DOCK1: variants seen among roughly 807,000 people sequenced by gnomAD.
DOCK1 encodes dedicator of cytokinesis protein 1.
DOCK1 carries 138 observed loss-of-function variants against 262.7 expected under a neutral mutation model. That is an observed-to-expected ratio of 0.53 (90% CI 0.46 to 0.61). The LOEUF (loss-of-function observed/expected upper bound fraction) is 0.61. Ranked by LOEUF, DOCK1 falls within the 20% of genes least tolerant of loss-of-function variation. DOCK1 has a pLI of 0.00. For missense variants in DOCK1, 1,908 were observed against 2,370.7 expected, an observed-to-expected ratio of 0.80 and a Z score of 4.05; for synonymous variants, 866 against 867.4, an observed-to-expected ratio of 1.00 and a Z score of 0.03.
intron 27 of DOCK1, among the ~76,000 whole-genome samples, chr10:127,154,206 G>A (rs1170977780): frequency 6.6e-6 from 1 of 152,226 alleles, no homozygotes; most frequent in Non-Finnish European, 1.5e-5. Flanking sequence ...AATGTGGGAT[G>A]TTTCAATGCA....
chr10:127,313,100 C>T (rs938240436), intron 29 of DOCK1, among the ~76,000 whole-genome samples: 28 of 152,158 alleles, frequency 1.8e-4, no homozygotes, highest in African/African-American at 6.8e-4. Context: ...GACATCATGA[C>T]TCAGCCAGAC....
At position 127,106,419 on chromosome 10, in the gene DOCK1, G is replaced by A. The variant is rs1187412711; in HGVS notation, c.2516+118G>A. ...CATGTCTCCATATGTCAGTGCCCTG[G>A]ATCATTCTGGAACATGTGTTGCTGG... On this transcript the variant is annotated intron_variant, in intron 24 of 51. Transcript: ENST00000623213. 2.4e-5 allele frequency: 25 copies of A among 1,022,104 alleles called. No homozygotes were observed. The East Asian group carries it at 6.2e-4, about 25-fold the overall frequency. The allele number at this position is 1,022,104 out of a possible 1,614,324, so 63.3% of individuals were successfully genotyped here. A position where few individuals can be genotyped will look rare whatever the true frequency, so the allele number is the denominator to read the frequency against.
At chr10:127,237,502 C>G (rs2059117294) in intron 27 of DOCK1, among the ~76,000 whole-genome samples, 1 of 152,146 alleles carries the variant, frequency 6.6e-6, no homozygotes. Context: ...GACCTGAATA[C>G]ACCTCTACAG....
chr10:127,268,710 T>C (rs2060462462), intron 29 of DOCK1, among the ~76,000 whole-genome samples: 1 of 151,930 alleles, frequency 6.6e-6, no homozygotes. Context: ...TGTCCGAGAA[T>C]TGGAGGTGGT....
chr10:127,033,067 C>G (rs751319705), intron 18 of DOCK1, among the ~76,000 whole-genome samples: 2 of 152,152 alleles, frequency 1.3e-5, no homozygotes, highest in East Asian at 3.8e-4. Flanking sequence ...TCTGTCGATA[C>G]GGGAATAGTG....
chr10:127,048,136 CTG>C (rs966626080), intron 21 of DOCK1, among the ~76,000 whole-genome samples: 1 of 152,164 alleles, frequency 6.6e-6, no homozygotes, highest in African/African-American at 2.4e-5. Context: ...CACCAGCAAT[CTG>C]TGAATGTTCT....
chr10:127,393,918 A>C (rs10765058), intron 38 of DOCK1, among the ~76,000 whole-genome samples: 1 of 151,272 alleles, frequency 6.6e-6, no homozygotes, highest in Non-Finnish European at 1.5e-5. Flanking sequence ...CTCTTTTTCC[A>C]TTCCATTCTT....
Position 126,996,802 on chromosome 10 carries a change from A to C in DOCK1, c.528A>C (p.Pro176=). 1 of 1,612,990 alleles carries C rather than the reference A, an allele frequency of 6.2e-7. No individual in the cohort carries two copies. Among genetic ancestry groups the C allele is most frequent in the Non-Finnish European group, 8.5e-7 (1 of 1,179,588 alleles). The change falls in exon 7 of 52, where the codon CCA becomes CCC. Residue 176 remains proline, a synonymous_variant. Transcript: ENST00000623213. ...ATGAAGATGGGAATATTTTGGATCCAGAATTAACTAGCACGATTAGTCTCT... is the reference window on the plus strand; with the variant it reads ...ATGAAGATGGGAATATTTTGGATCCCGAATTAACTAGCACGATTAGTCTCT... ...VRDEDGNILD[P]ELTSTISLFR...
intron 6 of DOCK1, among the ~76,000 whole-genome samples, chr10:126,993,362 C>G (rs111390040): frequency 7.2e-5 from 11 of 152,190 alleles, no homozygotes; most frequent in Non-Finnish European, 1.5e-4. Flanking sequence ...TGACCATGCC[C>G]TACCCACAGT....
chr10:127,135,063 A>C (rs2133191309), intron 27 of DOCK1, among the ~76,000 whole-genome samples: 1 of 152,356 alleles, frequency 6.6e-6, no homozygotes, highest in South Asian at 2.1e-4. Context: ...CCATGGAGGC[A>C]AGATTTACAT....
At chr10:126,998,419 G>C in intron 8 of DOCK1, 170 bp downstream of exon 8, 3 of 839,710 alleles carry the variant, frequency 3.6e-6, no homozygotes, top group Non-Finnish European at 5.5e-6. Flanking sequence ...TGGCAGCCAG[G>C]TTGGGCTCTG....
At chr10:127,198,704 AGTT>A (rs968736391) in intron 27 of DOCK1, among the ~76,000 whole-genome samples, 2 of 151,100 alleles carry the variant, frequency 1.3e-5, no homozygotes, top group African/African-American at 2.4e-5. Context: ...GTAGACTTAC[AGTT>A]GTTTTGCTAA....
In DOCK1 at chr10:127,429,600, G is replaced by A. The variant is rs536507553; in HGVS notation, c.4914+3589G>A. ...AGCCATAGAAAGAGAAGATGTGGAC[G>A]CCCTCTGACTTCTCGATACCCAGGC... On this transcript the variant is annotated intron_variant, in intron 47 of 51. Coordinates refer to ENST00000623213, the MANE Select transcript of DOCK1 (RefSeq NM_001290223.2). Among the ~76,000 whole-genome samples the A allele has an allele frequency of 2.7e-3, 406 of 152,312 alleles. 2 individuals carry two copies. The highest frequency in any genetic ancestry group is 3.6e-3 in the Non-Finnish European group (247 of 68,012).
intron 38 of DOCK1, among the ~76,000 whole-genome samples, chr10:127,392,826 C>T (rs66624086): frequency 0.48 from 72,937 of 151,968 alleles, 17,885 homozygotes; most frequent in African/African-American, 0.52. Flanking sequence ...TCAGTGTGCT[C>T]CTTTCCCAAG....
At chr10:127,349,239 C>T (rs952053733) in intron 31 of DOCK1, among the ~76,000 whole-genome samples, 2 of 152,014 alleles carry the variant, frequency 1.3e-5, no homozygotes, top group African/African-American at 4.8e-5. Context: ...TGGCTCTGGG[C>T]ACTGCATTGC....
intron 29 of DOCK1, among the ~76,000 whole-genome samples, chr10:127,258,278 C>A (rs11591434): frequency 6.6e-6 from 1 of 151,956 alleles, no homozygotes; most frequent in East Asian, 1.9e-4. Context: ...CCCAATTATA[C>A]CCACATATAC....
intron 29 of DOCK1, among the ~76,000 whole-genome samples, chr10:127,306,373 C>T (rs1451165675): frequency 6.6e-6 from 1 of 152,122 alleles, no homozygotes; most frequent in Non-Finnish European, 1.5e-5. Context: ...CAAAAGGGGG[C>T]TGTGAGAACA....
At chr10:127,403,587 A>G (rs2067345988) in intron 39 of DOCK1, among the ~76,000 whole-genome samples, 1 of 152,180 alleles carries the variant, frequency 6.6e-6, no homozygotes, top group Non-Finnish European at 1.5e-5. Flanking sequence ...GTGAAACCCC[A>G]TCTCTACTAA....
chr10:127,238,000 G>A (rs1011967344), intron 27 of DOCK1, among the ~76,000 whole-genome samples: 1 of 152,176 alleles, frequency 6.6e-6, no homozygotes, highest in Admixed American at 6.5e-5. Flanking sequence ...ATCCCTGCAT[G>A]TGTAAACTTT....
Sources: gnomAD v4.1 joint callset for allele counts (sites outside exome capture counted in the v4.1 genomes callset) on GRCh38, gnomAD v4.1.1 for gene constraint, MANE v1.5 for transcripts, NCBI Gene and HGNC (gene_info 2026-07-23, HGNC 2026-07-21) for gene names.